Variants in RARS2 observed in about 807,000 individuals in gnomAD.
The protein encoded by RARS2 is arginyl-tRNA synthetase 2, mitochondrial.
In RARS2, 67 loss-of-function variants were observed where a neutral mutation model predicts 88.5. That is an observed-to-expected ratio of 0.76 (90% CI 0.62 to 0.93). The LOEUF is 0.93. Among genes scored for constraint, RARS2 ranks in the 40% least tolerant of loss-of-function variants. The pLI, the probability that RARS2 is intolerant of heterozygous loss-of-function variation, is 0.00. For missense variants in RARS2, 664 were observed against 684.2 expected (o/e 0.97, Z 0.33); for synonymous variants, 239 against 230.3 (o/e 1.04, Z -0.34).
chr6:87,565,218 C>G (rs185649791), intron 2 of RARS2, among the ~76,000 whole-genome samples: 106 of 152,240 alleles, frequency 7.0e-4, no homozygotes, highest in Non-Finnish European at 6.2e-4. Flanking sequence ...TCTACTACTC[C>G]AAATACATGC....
intron 1 of RARS2, chr6:87,584,690 G>T: frequency 2.1e-6 from 1 of 468,162 alleles, no homozygotes; most frequent in Non-Finnish European, 4.3e-6. Context: ...AGAGACTGAA[G>T]AAAGCAGCTG....
chr6:87,569,550 G>T lies in RARS2; in HGVS notation c.77C>A (p.Thr26Lys). Residue 26 changes from threonine to lysine, a missense_variant, in exon 2 of 20, where the codon ACA becomes AAA. Coordinates refer to ENST00000369536, the MANE Select transcript of RARS2 (RefSeq NM_020320.5). ...GGAAATTGGAACTGCAGATATTGAT[G>T]TGATCAAGTTTTCTGGTGGAAGATT... ...VLNLPPENLI[T>K]SISAVPISQK... 1 of 1,606,484 alleles carries T rather than the reference G, an allele frequency of 6.2e-7. No homozygotes were observed.
chr6:87,562,254 G>A (rs905681535), intron 4 of RARS2, among the ~76,000 whole-genome samples: 2 of 152,070 alleles, frequency 1.3e-5, no homozygotes, highest in African/African-American at 2.4e-5. Context: ...TCTACTATAC[G>A]CCTAGGCTGT....
Position 87,514,396 on chromosome 6 carries a change from A to G in RARS2, c.*17T>C. On this transcript the variant is annotated 3_prime_UTR_variant, in exon 20 of 20. Coordinates refer to ENST00000369536, the MANE Select transcript of RARS2 (RefSeq NM_020320.5). Reference sequence around the variant, plus strand: ...ACTAGAATTCACTTGACATTTTAAAAGCCATTTTAATGGAAATTACATCCT... The same window carrying G: ...ACTAGAATTCACTTGACATTTTAAAGGCCATTTTAATGGAAATTACATCCT... 6.5e-7 allele frequency: 1 copy of G among 1,545,580 alleles called. No individual in the cohort carries two copies. The highest frequency in any genetic ancestry group is 8.9e-7 in the Non-Finnish European group (1 of 1,117,740).
intron 1 of RARS2, among the ~76,000 whole-genome samples, chr6:87,577,294 C>T (rs1161371021): frequency 6.6e-6 from 1 of 152,182 alleles, no homozygotes; most frequent in Non-Finnish European, 1.5e-5. Flanking sequence ...TGGGCTCAAT[C>T]AGTCCTCCCA....
intron 8 of RARS2, 80 bp downstream of exon 8, chr6:87,541,838 T>C: frequency 1.8e-6 from 2 of 1,138,498 alleles, no homozygotes; most frequent in Non-Finnish European, 2.6e-6. Flanking sequence ...TAAAGAAAAA[T>C]AAACCTCTGG....
intron 2 of RARS2, 124 bp downstream of exon 2, chr6:87,569,393 T>C: frequency 1.3e-6 from 1 of 743,510 alleles, no homozygotes; most frequent in South Asian, 1.6e-5. Flanking sequence ...TAATGAATCA[T>C]ATCTTACAGT....
At chr6:87,577,233 C>G (rs907155686) in intron 1 of RARS2, among the ~76,000 whole-genome samples, 1 of 152,112 alleles carries the variant, frequency 6.6e-6, no homozygotes, top group Non-Finnish European at 1.5e-5. Flanking sequence ...ACTTTGTTGC[C>G]CAGGCTGGAA....
At chr6:87,519,474 G>A (rs1056851226) in intron 14 of RARS2, 109 bp downstream of exon 14, 3 of 1,255,038 alleles carry the variant, frequency 2.4e-6, no homozygotes, top group Non-Finnish European at 3.5e-6. Flanking sequence ...GACAAAGTTA[G>A]TGACACTTCA....
At chr6:87,518,323 G>C (rs1772506342) in intron 16 of RARS2, 59 bp from the exon 17 acceptor site, 2 of 1,611,878 alleles carry the variant, frequency 1.2e-6, no homozygotes, top group Non-Finnish European at 1.7e-6. Flanking sequence ...CAAGGGCACA[G>C]AGCTGCAAGT....
chr6:87,529,502 G>A lies in RARS2; in HGVS notation c.878+40C>T, dbSNP rs764576122. On this transcript the variant is annotated intron_variant, in intron 10 of 19. Transcript: ENST00000369536. ...AGGATACATCAATAACAATTTCAAA[G>A]AACAAATAATTTTACTGAAGAATAG... 2.4e-6 allele frequency: 3 copies of A among 1,272,826 alleles called. No individual in the cohort carries two copies. In the East Asian group the frequency reaches 6.9e-5, roughly 29 times the overall value. The allele number at this position is 1,272,826 out of a possible 1,614,324, so 78.8% of individuals were successfully genotyped here.
intron 8 of RARS2, among the ~76,000 whole-genome samples, chr6:87,538,818 G>A (rs1388878410): frequency 6.6e-6 from 1 of 152,116 alleles, no homozygotes; most frequent in Non-Finnish European, 1.5e-5. Context: ...AGGACTGTTT[G>A]AGCCCAAGAG....
intron 17 of RARS2, among the ~76,000 whole-genome samples, chr6:87,517,381 A>C (rs1287794744): frequency 6.6e-6 from 1 of 152,200 alleles, no homozygotes. Flanking sequence ...GGACTTTCTA[A>C]ATCATCTTGC....
intron 7 of RARS2, among the ~76,000 whole-genome samples, chr6:87,543,417 G>A (rs868270782): frequency 2.0e-5 from 3 of 151,794 alleles, no homozygotes; most frequent in South Asian, 2.1e-4. Context: ...CGAGGTGGGC[G>A]AATCACTTGA....
intron 8 of RARS2, among the ~76,000 whole-genome samples, chr6:87,540,057 A>G (rs971150362): frequency 6.6e-6 from 1 of 152,154 alleles, no homozygotes. Flanking sequence ...AAGAGAGAAG[A>G]AATCTTTTGG....
intron 8 of RARS2, among the ~76,000 whole-genome samples, chr6:87,539,253 T>C (rs1780151343): frequency 6.6e-6 from 1 of 152,114 alleles, no homozygotes; most frequent in Non-Finnish European, 1.5e-5. Context: ...ACATGGGGTG[T>C]CTCTGTGTAA....
intron 2 of RARS2, among the ~76,000 whole-genome samples, chr6:87,565,959 G>C (rs1472638609): frequency 6.6e-6 from 1 of 152,122 alleles, no homozygotes; most frequent in African/African-American, 2.4e-5. Flanking sequence ...TAAAAACCCA[G>C]TCCACAATGA....
chr6:87,516,993 G>A (rs371574561), intron 17 of RARS2, 113 bp from the exon 18 acceptor site: 12 of 1,482,130 alleles, frequency 8.1e-6, no homozygotes, highest in Non-Finnish European at 4.6e-6. Context: ...AGAGTAGAAG[G>A]TATGGCCAGG....
At chr6:87,527,330 A>C (rs1007270197) in intron 10 of RARS2, among the ~76,000 whole-genome samples, 1 of 152,126 alleles carries the variant, frequency 6.6e-6, no homozygotes, top group Non-Finnish European at 1.5e-5. Flanking sequence ...AGGAAAGGAC[A>C]GTCTCTTCAA....
Sources: gnomAD v4.1 joint callset for allele counts (sites outside exome capture counted in the v4.1 genomes callset) on GRCh38, gnomAD v4.1.1 for gene constraint, MANE v1.5 for transcripts, NCBI Gene and HGNC (gene_info 2026-07-23, HGNC 2026-07-21) for gene names.